The following CSMD3 variants were observed in gnomAD, a reference collection of about 807,000 sequenced individuals.
CSMD3 encodes the protein CUB and sushi domain-containing protein 3.
Under a neutral mutation model 435.2 loss-of-function variants are expected in CSMD3, and 177 were observed. The observed-to-expected ratio is 0.41, with a 90% CI of 0.36 to 0.46. The LOEUF (loss-of-function observed/expected upper bound fraction) is 0.46, where lower values mean the gene tolerates loss of function less well. Ranked by LOEUF, CSMD3 falls within the 20% of genes least tolerant of loss-of-function variation. CSMD3 has a pLI of 0.34. For synonymous variants in CSMD3, 1,656 were observed against 1,520.5 expected, an observed-to-expected ratio of 1.09 and a Z score of -2.07; for missense variants, 4,265 against 4,504.6, an observed-to-expected ratio of 0.95 and a Z score of 1.52.
chr8:112,474,532 T>G (rs1194087530), intron 31 of CSMD3, among the ~76,000 whole-genome samples: 1 of 151,760 alleles, frequency 6.6e-6, no homozygotes, highest in African/African-American at 2.4e-5. Context: ...AAAAGTGGAG[T>G]GATTCCCATT....
At chr8:113,328,761 A>ATTTTTTTTT (rs2094004667) in intron 1 of CSMD3, among the ~76,000 whole-genome samples, 1 of 7,844 alleles carries the variant, frequency 1.3e-4, no homozygotes. Flanking sequence ...TTTTTTTTTG[A>ATTTTTTTTT]TACAGGGTCT....
intron 4 of CSMD3, among the ~76,000 whole-genome samples, chr8:113,129,531 C>T (rs1164346745): frequency 6.6e-6 from 1 of 152,092 alleles, no homozygotes; most frequent in Admixed American, 6.6e-5. Context: ...CTCATTTACT[C>T]AGCAAATATT....
At chr8:112,395,837 T>C (rs1414358074) in intron 35 of CSMD3, among the ~76,000 whole-genome samples, 1 of 152,164 alleles carries the variant, frequency 6.6e-6, no homozygotes, top group Non-Finnish European at 1.5e-5. Flanking sequence ...AGATAAAAAC[T>C]CAGTCTTCAG....
rs995934665 is a variant in CSMD3, at chr8:112,742,906, C to T, written c.1973-52856G>A. On this transcript the variant is annotated intron_variant, in intron 13 of 70. Coordinates refer to ENST00000297405, the MANE Select transcript of CSMD3 (RefSeq NM_198123.2). ...TTAATGGATGTGTGGCCTGTATAGTCACACAGGGTCCACTCTCAGAAAGGC... is the reference window on the plus strand; with the variant it reads ...TTAATGGATGTGTGGCCTGTATAGTTACACAGGGTCCACTCTCAGAAAGGC... Among the ~76,000 whole-genome samples, 11 of 151,968 alleles carry T rather than the reference C, an allele frequency of 7.2e-5. 1 individual carries two copies. Among genetic ancestry groups the T allele is most frequent in the Admixed American group, 7.2e-4 (11 of 15,226 alleles).
At chr8:112,914,708 C>G (rs1231431685) in intron 10 of CSMD3, among the ~76,000 whole-genome samples, 2 of 151,160 alleles carry the variant, frequency 1.3e-5, no homozygotes, top group African/African-American at 4.8e-5. Context: ...CTTTGGTTCC[C>G]AGGTTTCATC....
chr8:113,372,469 T>G (rs1458327800), intron 1 of CSMD3, among the ~76,000 whole-genome samples: 1 of 152,166 alleles, frequency 6.6e-6, no homozygotes, highest in Non-Finnish European at 1.5e-5. Context: ...CTGCTAAATT[T>G]CTAGTGTTTC....
intron 29 of CSMD3, among the ~76,000 whole-genome samples, chr8:112,505,077 A>C (rs929842314): frequency 1.3e-5 from 2 of 152,138 alleles, no homozygotes; most frequent in Non-Finnish European, 2.9e-5. Flanking sequence ...TTACATATGC[A>C]TGTACAAGAA....
intron 1 of CSMD3, among the ~76,000 whole-genome samples, chr8:113,408,689 G>A (rs1467287939): frequency 2.0e-5 from 3 of 147,870 alleles, no homozygotes; most frequent in Admixed American, 6.8e-5. Flanking sequence ...AGTCTTGCTC[G>A]CTCTGTTGTT....
rs536397033 is a variant in CSMD3, at chr8:113,314,919, G to A, written c.179-126C>T. The A allele has an allele frequency of 5.4e-5, 35 of 651,410 alleles. No homozygotes were observed. In the South Asian group the frequency reaches 6.2e-4, roughly 12 times the overall value. The allele number at this position is 651,410 out of a possible 1,614,324, so 40.4% of individuals were successfully genotyped here. A position where few individuals can be genotyped will look rare whatever the true frequency, so the allele number is the denominator to read the frequency against. ...GTTAACAATAATTTTATAAATGGCA[G>A]TTTAAGAGCTGGGCACTATATACAA... On this transcript the variant is annotated intron_variant, in intron 1 of 70. Transcript: ENST00000297405.
chr8:113,197,089 G>A (rs1028455043), intron 3 of CSMD3, among the ~76,000 whole-genome samples: 8 of 151,126 alleles, frequency 5.3e-5, no homozygotes, highest in Non-Finnish European at 1.0e-4. Flanking sequence ...TAAATAGAGT[G>A]ATAATAATAT....
At chr8:113,117,419 G>GT (rs2090864136) in intron 4 of CSMD3, among the ~76,000 whole-genome samples, 1 of 152,206 alleles carries the variant, frequency 6.6e-6, no homozygotes, top group Non-Finnish European at 1.5e-5. Context: ...ATTTCAGAGG[G>GT]TATATGGCAA....
At chr8:112,948,749 A>G (rs1448374326) in intron 8 of CSMD3, among the ~76,000 whole-genome samples, 1 of 151,896 alleles carries the variant, frequency 6.6e-6, no homozygotes, top group Non-Finnish European at 1.5e-5. Context: ...GAGATTCCAG[A>G]GAGAAAAAAA....
At chr8:112,982,427 A>C (rs187704578) in intron 6 of CSMD3, among the ~76,000 whole-genome samples, 1 of 152,024 alleles carries the variant, frequency 6.6e-6, no homozygotes, top group East Asian at 1.9e-4. Flanking sequence ...ATCAACCAGA[A>C]TCCTGAATCT....
chr8:113,238,312 G>A (rs1017804542), intron 3 of CSMD3, among the ~76,000 whole-genome samples: 10 of 152,046 alleles, frequency 6.6e-5, no homozygotes, highest in African/African-American at 1.9e-4. Context: ...GGGGCCAGCG[G>A]CTTTGCTTCA....
intron 32 of CSMD3, among the ~76,000 whole-genome samples, chr8:112,437,600 C>T (rs1352994): frequency 0.43 from 64,692 of 151,500 alleles, 14,745 homozygotes; most frequent in Middle Eastern, 0.6. Flanking sequence ...TATATATATA[C>T]ACAGATCTGA....
At chr8:112,731,871 T>TA (rs1413439879) in intron 13 of CSMD3, among the ~76,000 whole-genome samples, 1 of 152,114 alleles carries the variant, frequency 6.6e-6, no homozygotes, top group East Asian at 1.9e-4. Context: ...AACTGTCAAT[T>TA]TTGAAAGATA....
chr8:113,205,250 TG>T (rs2132048223), intron 3 of CSMD3, among the ~76,000 whole-genome samples: 1 of 152,258 alleles, frequency 6.6e-6, no homozygotes, highest in East Asian at 1.9e-4. Context: ...TCCAAAGTGT[TG>T]GGATTACAGG....
chr8:113,187,193 T>C (rs1372630425), intron 3 of CSMD3, among the ~76,000 whole-genome samples: 7 of 151,582 alleles, frequency 4.6e-5, no homozygotes, highest in Non-Finnish European at 8.8e-5. Context: ...CCCAGTAAAT[T>C]CCATTCCCCT....
chr8:113,021,447 C>T (rs934284338), intron 5 of CSMD3, among the ~76,000 whole-genome samples: 9 of 151,956 alleles, frequency 5.9e-5, no homozygotes, highest in South Asian at 4.1e-4. Flanking sequence ...CATGAATATC[C>T]GTTAGGGAAA....
Sources: allele counts gnomAD v4.1 joint callset (sites outside exome capture counted in the v4.1 genomes callset), GRCh38; gene constraint gnomAD v4.1.1; transcripts MANE v1.5; gene names NCBI Gene and HGNC (gene_info 2026-07-23, HGNC 2026-07-21).